Variants in SNCAIP observed in about 807,000 individuals in gnomAD.
SNCAIP encodes the protein synphilin-1.
A neutral mutation model predicts 86.7 loss-of-function variants in SNCAIP; 43 were observed. The observed-to-expected ratio is 0.50, with a 90% CI of 0.39 to 0.64. SNCAIP has a LOEUF of 0.64. Among genes scored for constraint, SNCAIP ranks in the 30% least tolerant of loss-of-function variants. SNCAIP has a pLI of 0.00. For missense variants in SNCAIP, 981 were observed against 1,103.1 expected (o/e 0.89, Z 1.57); for synonymous variants, 417 against 427.2 (o/e 0.98, Z 0.29).
rs139706341 is a variant in SNCAIP, at chr5:122,395,351, T to C, written c.57+4160T>C. ...CACATACAAATAGAAGTGAGAGAAA[T>C]ATTCTGTTGCCTTTCTGTATAACTC... On this transcript the variant is annotated intron_variant, in intron 2 of 10. Transcript: ENST00000261368. Among the ~76,000 whole-genome samples, 298 of 152,194 alleles carry C rather than the reference T, an allele frequency of 2.0e-3. 3 individuals carry two copies. The highest frequency in any genetic ancestry group is 6.8e-3 in the African/African-American group (284 of 41,514).
At chr5:122,333,143 G>T (rs1391343759) in intron 1 of SNCAIP, among the ~76,000 whole-genome samples, 1 of 152,168 alleles carries the variant, frequency 6.6e-6, no homozygotes, top group African/African-American at 2.4e-5. Flanking sequence ...GCACAAAAGG[G>T]CATGTGTTTC....
At chr5:122,444,801 A>T in intron 8 of SNCAIP, 69 bp downstream of exon 8, 1 of 1,280,208 alleles carries the variant, frequency 7.8e-7, no homozygotes, top group Non-Finnish European at 1.1e-6. Context: ...CTTCAGCCCC[A>T]TGCTGTGCTG....
intron 8 of SNCAIP, among the ~76,000 whole-genome samples, chr5:122,448,214 A>G (rs1434966928): frequency 6.6e-6 from 1 of 152,192 alleles, no homozygotes; most frequent in Non-Finnish European, 1.5e-5. Flanking sequence ...GTTTAGTTAC[A>G]TGTCCTGGCT....
rs769675892 is a variant in SNCAIP, at chr5:122,423,664, A to G, written c.927A>G (p.Pro309=). The change falls in exon 4 of 11, where the codon CCA becomes CCG. Residue 309 remains proline, a synonymous_variant. Coordinates refer to ENST00000261368, the MANE Select transcript of SNCAIP (RefSeq NM_005460.4). ...TAAACCGGACCAGCTCCCAAGGCCC[A>G]GAAGAAAGGAGTGAGTATCTGAAAA... ...SGLNRTSSQG[P]EERSEYLKKV... 1 of 1,611,040 alleles carries G rather than the reference A, an allele frequency of 6.2e-7. No homozygotes were observed.
At chr5:122,431,487 C>G (rs543937085) in intron 5 of SNCAIP, among the ~76,000 whole-genome samples, 1 of 152,134 alleles carries the variant, frequency 6.6e-6, no homozygotes, top group African/African-American at 2.4e-5. Flanking sequence ...TAAAAGAAGC[C>G]AGACACAAGA....
At chr5:122,360,840 C>T (rs1580679802) in intron 1 of SNCAIP, among the ~76,000 whole-genome samples, 1 of 151,922 alleles carries the variant, frequency 6.6e-6, no homozygotes, top group African/African-American at 2.4e-5. Context: ...TCTAGGTATA[C>T]TCCATAAGAA....
upstream of SNCAIP, chr5:122,311,838 G>C (rs1421737647): frequency 6.6e-6 from 1 of 152,632 alleles, no homozygotes; most frequent in Non-Finnish European, 1.5e-5. Flanking sequence ...GGGGATCCCT[G>C]GTGAGGAAGC....
intron 1 of SNCAIP, among the ~76,000 whole-genome samples, chr5:122,368,265 AG>A (rs952553107): frequency 9.9e-5 from 15 of 152,072 alleles, no homozygotes; most frequent in Non-Finnish European, 2.2e-4. Flanking sequence ...CCATAGAGTC[AG>A]TTTTCCTATG....
At chr5:122,349,007 T>C (rs1385030165) in intron 1 of SNCAIP, among the ~76,000 whole-genome samples, 1 of 152,198 alleles carries the variant, frequency 6.6e-6, no homozygotes. Flanking sequence ...AATATTCCAA[T>C]GTGATCTTTG....
chr5:122,445,950 C>T (rs996934677), intron 8 of SNCAIP, among the ~76,000 whole-genome samples: 1 of 151,908 alleles, frequency 6.6e-6, no homozygotes, highest in Non-Finnish European at 1.5e-5. Flanking sequence ...AGAATAATTT[C>T]TTTAATGAGT....
At chr5:122,433,645 T>C (rs1165561647) in intron 6 of SNCAIP, among the ~76,000 whole-genome samples, 1 of 152,194 alleles carries the variant, frequency 6.6e-6, no homozygotes, top group Non-Finnish European at 1.5e-5. Context: ...CTTTGAAATA[T>C]TATACTTACT....
intron 8 of SNCAIP, 42 bp from the exon 9 acceptor site, chr5:122,449,803 A>G (rs1561799903): frequency 2.4e-6 from 3 of 1,248,558 alleles, no homozygotes; most frequent in Non-Finnish European, 3.5e-6. Context: ...TATAGCAGTA[A>G]CCAGTATCAG....
In SNCAIP at chr5:122,422,894, A is replaced by G. The variant is rs761920361; in HGVS notation, c.157A>G (p.Ile53Val). The G allele has an allele frequency of 1.2e-5, 19 of 1,613,888 alleles. No homozygotes were observed. The highest frequency in any genetic ancestry group is 4.0e-5 in the African/African-American group (3 of 74,940). Reference sequence around the variant, plus strand: ...TTCTAGCTCTAGCTGGAATTGTGGCATCTCAACTCTTATTACAAACACGCA... The same window carrying G: ...TTCTAGCTCTAGCTGGAATTGTGGCGTCTCAACTCTTATTACAAACACGCA... ...SVSSSSWNCG[I>V]STLITNTQKP... is the part of the protein sequence containing the mutation. The change falls in exon 4 of 11, where the codon ATC becomes GTC. Residue 53 changes from isoleucine to valine, a missense_variant. Transcript: ENST00000261368.
chr5:122,436,601 C>T (rs185856568), intron 6 of SNCAIP: 5 of 152,126 alleles, frequency 3.3e-5, no homozygotes, highest in Admixed American at 2.6e-4. Flanking sequence ...TTATTTTTTA[C>T]ATTTTTACAT....
At chr5:122,446,591 T>C (rs1782366461) in intron 8 of SNCAIP, among the ~76,000 whole-genome samples, 1 of 152,214 alleles carries the variant, frequency 6.6e-6, no homozygotes, top group African/African-American at 2.4e-5. Context: ...TGGACAGCTA[T>C]AGTTGGGCCA....
In SNCAIP at chr5:122,335,247, C is replaced by T. The variant is rs562111776; in HGVS notation, c.-47+22963C>T. On this transcript the variant is annotated intron_variant, in intron 1 of 10. Coordinates refer to ENST00000261368, the MANE Select transcript of SNCAIP (RefSeq NM_005460.4). ...TTGAGATGAACAATTGCCAAGGACT[C>T]GAAAGATAGGCTTTTTGTGTGTGTG... 3.1e-3 allele frequency among the ~76,000 whole-genome samples: 465 copies of T among 152,176 alleles called. 5 individuals are homozygous for T. Among genetic ancestry groups the T allele is most frequent in the African/African-American group, 0.01 (433 of 41,514 alleles).
intron 1 of SNCAIP, among the ~76,000 whole-genome samples, chr5:122,319,077 A>G (rs1752415839): frequency 6.7e-6 from 1 of 150,282 alleles, no homozygotes; most frequent in Non-Finnish European, 1.5e-5. Context: ...GTGGCCAGAC[A>G]CTCACCTGAG....
In SNCAIP at chr5:122,440,648, T is replaced by C; in HGVS notation, c.1316T>C (p.Leu439Pro). The C allele has an allele frequency of 6.2e-7, 1 of 1,613,966 alleles. No individual in the cohort carries two copies. The highest frequency in any genetic ancestry group is 8.5e-7 in the Non-Finnish European group (1 of 1,179,796). Residue 439 changes from leucine to proline, a missense_variant, in exon 7 of 11, where the codon CTT becomes CCT. Physicochemically the swap from Leu to Pro is moderately conservative, Grantham distance 98. Coordinates refer to ENST00000261368, the MANE Select transcript of SNCAIP (RefSeq NM_005460.4). ...CYGQEKILLW[L>P]LQFMQEQGIS... ...TTATAGGAAAAGATTCTTCTGTGGC[T>C]TCTTCAGTTTATGCAAGAACAGGGC...
chr5:122,394,604 AT>A (rs997001916), intron 2 of SNCAIP, among the ~76,000 whole-genome samples: 2 of 152,182 alleles, frequency 1.3e-5, no homozygotes, highest in Non-Finnish European at 2.9e-5. Context: ...GGGTTCACAG[AT>A]TTCTCTCTTC....
Sources: gnomAD v4.1 joint callset for allele counts (sites outside exome capture counted in the v4.1 genomes callset) on GRCh38, gnomAD v4.1.1 for gene constraint, MANE v1.5 for transcripts, NCBI Gene and HGNC (gene_info 2026-07-23, HGNC 2026-07-21) for gene names.